SGCZ: variants seen among roughly 807,000 people sequenced by gnomAD.
The protein encoded by SGCZ is zeta-sarcoglycan.
SGCZ carries 40 observed loss-of-function variants against 41.3 expected under a neutral mutation model. That is an observed-to-expected ratio of 0.97 (90% CI 0.75 to 1.26). The LOEUF (loss-of-function observed/expected upper bound fraction) is 1.26. SGCZ is among the 50% of genes most tolerant of loss of function. The probability of loss-of-function intolerance (pLI) is 0.00; values close to 1 mark genes in which losing one functional copy is unlikely to be tolerated. For missense variants in SGCZ, 552 were observed against 369.8 expected (o/e 1.49, Z -4.04); for synonymous variants, 206 against 137.5 (o/e 1.50, Z -3.49).
chr8:14,606,336 T>C (rs56163244), intron 1 of SGCZ, among the ~76,000 whole-genome samples: 26,844 of 152,044 alleles, frequency 0.18, 2,555 homozygotes, highest in Non-Finnish European at 0.21. Context: ...TTCCTAAACC[T>C]CCTCAACTCA....
chr8:14,882,694 T>A (rs58026066), intron 1 of SGCZ, among the ~76,000 whole-genome samples: 10,560 of 152,192 alleles, frequency 0.069, 1,126 homozygotes, highest in African/African-American at 0.23. Context: ...TTACGACAGC[T>A]CTGCTGCTAA....
chr8:14,934,228 C>T (rs1015886891), intron 1 of SGCZ, among the ~76,000 whole-genome samples: 4 of 151,706 alleles, frequency 2.6e-5, no homozygotes, highest in African/African-American at 7.3e-5. Context: ...AGGGCACCAC[C>T]GCATGAAAAC....
At chr8:14,572,511 A>G (rs964427343) in intron 1 of SGCZ, among the ~76,000 whole-genome samples, 3 of 146,016 alleles carry the variant, frequency 2.1e-5, no homozygotes, top group South Asian at 2.2e-4. Context: ...AGGGAAGTTT[A>G]TTATTATTAT....
intron 4 of SGCZ, among the ~76,000 whole-genome samples, chr8:14,167,778 C>A (rs1193670156): frequency 6.6e-6 from 1 of 152,184 alleles, no homozygotes; most frequent in African/African-American, 2.4e-5. Flanking sequence ...ATGGCTCCAT[C>A]ACTTTTTTTG....
At chr8:15,078,747 A>G (rs1480521586) in intron 1 of SGCZ, among the ~76,000 whole-genome samples, 1 of 152,084 alleles carries the variant, frequency 6.6e-6, no homozygotes, top group East Asian at 1.9e-4. Context: ...ACACACATAC[A>G]TATATATACT....
At chr8:14,358,291 G>T (rs1215868556) in intron 2 of SGCZ, among the ~76,000 whole-genome samples, 2 of 152,100 alleles carry the variant, frequency 1.3e-5, no homozygotes, top group African/African-American at 2.4e-5. Context: ...TTGAAATGGG[G>T]TAATCGATGC....
intron 2 of SGCZ, among the ~76,000 whole-genome samples, chr8:14,414,813 T>C (rs1285033701): frequency 1.3e-5 from 2 of 152,028 alleles, no homozygotes; most frequent in East Asian, 3.9e-4. Context: ...ATTTGAAACA[T>C]TTAATAACAA....
At chr8:14,215,352 A>G (rs1352747381) in intron 4 of SGCZ, among the ~76,000 whole-genome samples, 1 of 152,186 alleles carries the variant, frequency 6.6e-6, no homozygotes, top group East Asian at 1.9e-4. Flanking sequence ...AAATGAAAAT[A>G]TCACATCAGC....
chr8:14,129,254 G>T (rs1239928000), intron 5 of SGCZ, among the ~76,000 whole-genome samples: 1 of 142,824 alleles, frequency 7.0e-6, no homozygotes. Flanking sequence ...GCAGAGAGAA[G>T]AGAATTGCTT....
At chr8:14,110,762 T>TA (rs1436876368) in intron 5 of SGCZ, among the ~76,000 whole-genome samples, 1 of 151,960 alleles carries the variant, frequency 6.6e-6, no homozygotes, top group East Asian at 1.9e-4. Context: ...ATAAAAAAAT[T>TA]AAAAATCAGA....
chr8:14,702,823 A>AGATAGATAGACAGAT (rs1563212960), intron 1 of SGCZ, among the ~76,000 whole-genome samples: 34 of 25,156 alleles, frequency 1.4e-3, no homozygotes, highest in Non-Finnish European at 6.4e-4. Flanking sequence ...GTAGATAGAT[A>AGATAGATAGACAGAT]GATAGATAGA....
chr8:14,447,770 C>T (rs575484840), intron 2 of SGCZ, among the ~76,000 whole-genome samples: 11 of 152,236 alleles, frequency 7.2e-5, no homozygotes, highest in South Asian at 2.1e-4. Flanking sequence ...GGCTTTATCT[C>T]GGCAATGCTT....
chr8:14,113,944 A>G (rs1802447369), intron 5 of SGCZ, among the ~76,000 whole-genome samples: 1 of 151,988 alleles, frequency 6.6e-6, no homozygotes, highest in East Asian at 1.9e-4. Flanking sequence ...TCATTTTTCA[A>G]GATCTGAATC....
At chr8:14,964,036 AC>A (rs1801052617) in intron 1 of SGCZ, among the ~76,000 whole-genome samples, 1 of 152,220 alleles carries the variant, frequency 6.6e-6, no homozygotes, top group Non-Finnish European at 1.5e-5. Flanking sequence ...TGCAAAGGTT[AC>A]AAGGCTAAAA....
chr8:14,889,947 A>T (rs1695763709), intron 1 of SGCZ, among the ~76,000 whole-genome samples: 2 of 152,152 alleles, frequency 1.3e-5, no homozygotes, highest in African/African-American at 4.8e-5. Context: ...ACCTGTTGAA[A>T]GCAGGCCTAA....
chr8:15,087,808 A>G (rs191209071), intron 1 of SGCZ, among the ~76,000 whole-genome samples: 30 of 152,254 alleles, frequency 2.0e-4, no homozygotes, highest in African/African-American at 6.5e-4. Context: ...GTATGAAGAA[A>G]TTCTCTGCAA....
chr8:14,894,808 T>C (rs1805133823), intron 1 of SGCZ, among the ~76,000 whole-genome samples: 1 of 152,134 alleles, frequency 6.6e-6, no homozygotes, highest in African/African-American at 2.4e-5. Context: ...ACACCCTCCC[T>C]AGCTTCTTAG....
intron 2 of SGCZ, among the ~76,000 whole-genome samples, chr8:14,533,441 G>T (rs1803199551): frequency 1.3e-5 from 2 of 151,886 alleles, no homozygotes; most frequent in African/African-American, 4.8e-5. Context: ...TATTGATTGA[G>T]ATTTTTAAAA....
intron 1 of SGCZ, among the ~76,000 whole-genome samples, chr8:14,671,103 T>C (rs896549673): frequency 5.3e-5 from 8 of 152,322 alleles, no homozygotes; most frequent in Admixed American, 3.3e-4. Context: ...TTTATATATG[T>C]AATAGTTCCT....
Sources: gnomAD v4.1 joint callset for allele counts (sites outside exome capture counted in the v4.1 genomes callset) on GRCh38, gnomAD v4.1.1 for gene constraint, MANE v1.5 for transcripts, NCBI Gene and HGNC (gene_info 2026-07-23, HGNC 2026-07-21) for gene names.